Variants in PTPRC observed in about 807,000 individuals in gnomAD.
PTPRC encodes protein tyrosine phosphatase receptor type C.
Under a neutral mutation model 155.9 loss-of-function variants are expected in PTPRC, and 44 were observed. The observed-to-expected ratio is 0.28, with a 90% confidence interval of 0.22 to 0.36. PTPRC has a LOEUF of 0.36. Among genes scored for constraint, PTPRC ranks in the 10% least tolerant of loss-of-function variants. The pLI is 1.00. For synonymous variants in PTPRC, 525 were observed against 533.1 expected (o/e 0.98, Z 0.21); for missense variants, 1,401 against 1,564.6 (o/e 0.90, Z 1.76).
chr1:198,715,459 G>GT (rs1653540448), intron 12 of PTPRC, among the ~76,000 whole-genome samples: 1 of 151,806 alleles, frequency 6.6e-6, no homozygotes, highest in African/African-American at 2.4e-5. Flanking sequence ...GTTTTATCTC[G>GT]TTAACTTAAT....
chr1:198,752,268 G>A lies in PTPRC; in HGVS notation c.3227G>A (p.Trp1076Ter). ...HGDQEICAQY[W>*]GEGKQTYGDI... ...ATCTAGGAAATCTGTGCTCAGTACT[G>A]GGGAGAAGGAAAGCAAACATATGGA... The change falls in exon 30 of 33, where the codon TGG (tryptophan) becomes TAG (stop). Residue 1076 changes from tryptophan (W) to a stop codon, truncating the protein, a stop_gained. Coordinates refer to ENST00000442510, the MANE Select transcript of PTPRC (RefSeq NM_002838.5). LOFTEE classifies it high-confidence loss of function. 1 of 1,611,710 alleles carries A rather than the reference G, an allele frequency of 6.2e-7. No homozygotes were observed. The highest frequency in any genetic ancestry group is 8.5e-7 in the Non-Finnish European group (1 of 1,178,294).
intron 27 of PTPRC, 49 bp from the exon 28 acceptor site, chr1:198,749,367 G>A: frequency 1.3e-6 from 2 of 1,558,276 alleles, no homozygotes; most frequent in Non-Finnish European, 8.8e-7. Context: ...CAATGAAGAA[G>A]AAATTTAATT....
In PTPRC at chr1:198,702,417, C is replaced by T. The variant is rs140527232; in HGVS notation, c.470C>T (p.Thr157Ile). 3.1e-6 allele frequency: 5 copies of T among 1,614,066 alleles called. No individual in the cohort carries two copies. In the African/African-American group the frequency reaches 5.3e-5, roughly 17 times the overall value. The change falls in exon 6 of 33, where the codon ACC becomes ATC. Residue 157 changes from threonine to isoleucine, a missense_variant. Physicochemically the swap from Thr to Ile is moderately conservative, Grantham distance 89. Transcript: ENST00000442510. The stretch of plus-strand genomic sequence containing the variant: ...CCAGGAGAGAGGAGTACAGCCAGCA[C>T]CTTTCCTACAGACCCAGTTTCCCCA... ...DVPGERSTAS[T>I]FPTDPVSPLT... is the part of the protein sequence containing the mutation.
chr1:198,701,907 T>C (rs1666478180), intron 5 of PTPRC, among the ~76,000 whole-genome samples: 1 of 152,230 alleles, frequency 6.6e-6, no homozygotes, highest in East Asian at 1.9e-4. Flanking sequence ...ACTGAGCACC[T>C]GCACCCAGGG....
chr1:198,717,308 CTATTT>C (rs1036606222), intron 13 of PTPRC, among the ~76,000 whole-genome samples: 11 of 152,178 alleles, frequency 7.2e-5, no homozygotes, highest in African/African-American at 2.7e-4. Flanking sequence ...ACTTACTATT[CTATTT>C]TATGTCACAT....
At chr1:198,672,617 A>C in intron 2 of PTPRC, among the ~76,000 whole-genome samples, 1 of 149,746 alleles carries the variant, frequency 6.7e-6, no homozygotes, top group East Asian at 2.0e-4. Flanking sequence ...TTACAGGTGC[A>C]CGCCACCATG....
rs1653187110 is a variant in PTPRC, at chr1:198,709,700, T to G, written c.1047T>G (p.Phe349Leu). ...TYRFQCGNMI[F>L]DNKEIKLENL... ...TCTTTATTTCAGGTAATATGATATT[T>G]GATAATAAAGAAATTAAATTAGAAA... Residue 349 changes from phenylalanine to leucine, a missense_variant, in exon 11 of 33, where the codon TTT becomes TTG. Around this residue, in one of 3 missense-constraint regions of PTPRC, gnomAD observed 867 missense variants for 970.4 expected, o/e 0.89. Transcript: ENST00000442510. 1 of 1,579,484 alleles carries G rather than the reference T, an allele frequency of 6.3e-7. No homozygotes were observed. Among genetic ancestry groups the G allele is most frequent in the African/African-American group, 1.3e-5 (1 of 74,084 alleles).
intron 17 of PTPRC, among the ~76,000 whole-genome samples, chr1:198,730,695 T>A (rs1654347150): frequency 6.6e-6 from 1 of 152,122 alleles, no homozygotes; most frequent in South Asian, 2.1e-4. Flanking sequence ...TAGAATTTAC[T>A]CACTCAGACC....
Position 198,741,932 on chromosome 1 carries a change from G to C in PTPRC, c.2467G>C (p.Gly823Arg), listed in dbSNP as rs148122103. 1.2e-6 allele frequency: 2 copies of C among 1,611,990 alleles called. No homozygotes were observed. The highest frequency in any genetic ancestry group is 1.7e-6 in the Non-Finnish European group (2 of 1,178,990). ...HIQFTSWPDH[G>R]VPEDPHLLLK... is the part of the protein sequence containing the mutation. ...TCAGTTCACCAGCTGGCCAGACCACGGGGTGCCTGAGGATCCTCACTTGCT... is the reference window on the plus strand; with the variant it reads ...TCAGTTCACCAGCTGGCCAGACCACCGGGTGCCTGAGGATCCTCACTTGCT... The change falls in exon 24 of 33, where the codon GGG (glycine) becomes CGG (arginine). Residue 823 changes from glycine to arginine, a missense_variant. Physicochemically the swap from Gly to Arg is moderately radical, Grantham distance 125 (BLOSUM62 -2). This residue lies in a region of PTPRC where 134 missense variants were observed against 204.7 expected (regional missense o/e 0.65). Coordinates refer to ENST00000442510, the MANE Select transcript of PTPRC (RefSeq NM_002838.5).
chr1:198,755,984 C>A lies in PTPRC; in HGVS notation c.3724C>A (p.Gln1242Lys), dbSNP rs1655631711. 3.7e-6 allele frequency: 6 copies of A among 1,613,172 alleles called. No homozygotes were observed. In the East Asian group the frequency reaches 1.3e-4, roughly 36 times the overall value. ...QNGQVKKNNH[Q>K]EDKIEFDNEV... ...TGGACAAGTAAAGAAAAACAACCAT[C>A]AAGAAGATAAAATTGAATTTGATAA... Residue 1242 changes from glutamine (Q) to lysine (K), a missense_variant, in exon 33 of 33, where the codon CAA (glutamine) becomes AAA (lysine). Around this residue, in one of 3 missense-constraint regions of PTPRC, gnomAD observed 400 missense variants for 389.5 expected, o/e 1.03. Transcript: ENST00000442510.
chr1:198,749,367 G>T (rs1178872278), intron 27 of PTPRC, 49 bp from the exon 28 acceptor site: 1 of 1,558,156 alleles, frequency 6.4e-7, no homozygotes, highest in Non-Finnish European at 8.8e-7. Context: ...CAATGAAGAA[G>T]AAATTTAATT....
At chr1:198,693,048 A>T (rs1481171921) in intron 3 of PTPRC, 2 of 975,122 alleles carry the variant, frequency 2.1e-6, no homozygotes, top group African/African-American at 3.5e-5. Context: ...CTGCATAATC[A>T]TATGGTTGAC....
chr1:198,701,720 C>T (rs1021589153), intron 5 of PTPRC, among the ~76,000 whole-genome samples: 1 of 152,150 alleles, frequency 6.6e-6, no homozygotes, highest in African/African-American at 2.4e-5. Context: ...GAGAATGATG[C>T]CACTGTAATG....
At chr1:198,675,791 A>T (rs1359099298) in intron 2 of PTPRC, among the ~76,000 whole-genome samples, 3 of 152,174 alleles carry the variant, frequency 2.0e-5, no homozygotes, top group Admixed American at 1.3e-4. Context: ...CTTCTTCCTA[A>T]TATCTAGCTT....
chr1:198,722,795 AT>A (rs1653955549), intron 15 of PTPRC, among the ~76,000 whole-genome samples: 1 of 151,700 alleles, frequency 6.6e-6, no homozygotes, highest in South Asian at 2.1e-4. Context: ...TTCGTGTACT[AT>A]TTTAGATTAT....
chr1:198,717,814 C>T (rs532092349), intron 13 of PTPRC, among the ~76,000 whole-genome samples: 1 of 152,210 alleles, frequency 6.6e-6, no homozygotes, highest in East Asian at 1.9e-4. Context: ...CACTCCCTTC[C>T]CTTTTTCTCT....
At chr1:198,745,976 A>C (rs1361611967) in intron 26 of PTPRC, among the ~76,000 whole-genome samples, 1 of 151,780 alleles carries the variant, frequency 6.6e-6, no homozygotes, top group Non-Finnish European at 1.5e-5. Context: ...ATGATTTTAG[A>C]GGTGATGTAA....
Position 198,693,565 on chromosome 1 carries a change from C to G in PTPRC, c.100+1192C>G, listed in dbSNP as rs73081398. ...AGTTTCTGTTATCTCTGAATTGACT[C>G]TATTATGACAAGCCTCCAAGTGATG... On this transcript the variant is annotated intron_variant, in intron 3 of 32. Coordinates refer to ENST00000442510, the MANE Select transcript of PTPRC (RefSeq NM_002838.5). Among the ~76,000 whole-genome samples the G allele has an allele frequency of 7.7e-3, 1,178 of 152,264 alleles. 16 individuals are homozygous for G. Among genetic ancestry groups the G allele is most frequent in the African/African-American group, 0.027 (1,112 of 41,548 alleles).
intron 20 of PTPRC, among the ~76,000 whole-genome samples, chr1:198,732,923 C>T (rs1173382200): frequency 6.6e-6 from 1 of 151,752 alleles, no homozygotes; most frequent in Non-Finnish European, 1.5e-5. Context: ...TAGTTAATTA[C>T]CTTGTTGTTG....
Sources: allele counts gnomAD v4.1 joint callset (sites outside exome capture counted in the v4.1 genomes callset), GRCh38; gene constraint gnomAD v4.1.1; regional missense constraint gnomAD v4.1.1; transcripts MANE v1.5; gene names NCBI Gene and HGNC (gene_info 2026-07-23, HGNC 2026-07-21).